Variants in PTCHD1 observed in about 807,000 individuals in gnomAD.
PTCHD1 encodes patched domain containing 1.
A neutral mutation model predicts 34.6 loss-of-function variants in PTCHD1; 3 were observed. The ratio of observed to expected loss-of-function variants is 0.09; its 90% CI spans 0.04 to 0.22. The LOEUF (loss-of-function observed/expected upper bound fraction) is 0.22, where lower values mean the gene tolerates loss of function less well. Ranked by LOEUF, PTCHD1 falls within the 10% of genes least tolerant of loss-of-function variation. The pLI, the probability that PTCHD1 is intolerant of heterozygous loss-of-function variation, is 1.00. For missense variants in PTCHD1, 504 were observed against 685.5 expected (o/e 0.74, Z 2.96); for synonymous variants, 305 against 283.1 (o/e 1.08, Z -0.77).
intron 2 of PTCHD1, among the ~76,000 whole-genome samples, chrX:23,382,697 C>G (rs920941989): frequency 8.9e-6 from 1 of 112,983 alleles, no homozygotes; most frequent in Admixed American, 9.3e-5. Context: ...TTTGCAATTT[C>G]TGAGGAATGT....
intron 1 of PTCHD1, among the ~76,000 whole-genome samples, chrX:23,369,063 G>A (rs747025886): frequency 9.9e-5 from 11 of 111,322 alleles, no homozygotes; most frequent in African/African-American, 2.3e-4. Context: ...AAAATACTCC[G>A]TCTCAAAAAA....
intron 1 of PTCHD1, among the ~76,000 whole-genome samples, chrX:23,336,971 T>C (rs772949030): frequency 1.8e-5 from 2 of 109,512 alleles, no homozygotes; most frequent in East Asian, 2.9e-4. Context: ...CCATTGCCTT[T>C]CCCCCCCCAC....
At chrX:23,353,357 C>A (rs769609000) in intron 1 of PTCHD1, among the ~76,000 whole-genome samples, 17 of 112,609 alleles carry the variant, frequency 1.5e-4, no homozygotes, top group Admixed American at 2.8e-4. Context: ...GCGGCCGAGA[C>A]AGGCGTATCA....
rs756943321 is a variant in PTCHD1, at chrX:23,347,863, A to G, written c.351+12637A>G. Among the ~76,000 whole-genome samples, 5 of 111,445 alleles carry G rather than the reference A, an allele frequency of 4.5e-5. No individual in the cohort carries two copies. The East Asian group carries it at 1.4e-3, about 31-fold the overall frequency. On this transcript the variant is annotated intron_variant, in intron 1 of 2. Coordinates refer to ENST00000379361, the MANE Select transcript of PTCHD1 (RefSeq NM_173495.3). Reference sequence around the variant, plus strand: ...TCTACAAAAAAATTTAAAAAATATTAACAGGGCATGGTGGTACATGCCTGT... The same window carrying G: ...TCTACAAAAAAATTTAAAAAATATTGACAGGGCATGGTGGTACATGCCTGT...
In PTCHD1 at chrX:23,334,911, G is replaced by T; in HGVS notation, c.36G>T (p.Thr12=). 3 of 1,203,116 alleles carry T rather than the reference G, an allele frequency of 2.5e-6. No homozygotes were observed. The highest frequency in any genetic ancestry group is 3.4e-6 in the Non-Finnish European group (3 of 891,501). The part of the protein sequence containing the change: ...LRQVLHRGLR[T]CFSRLGHFIA... ...AGGTTCTGCACAGGGGCTTGAGGAC[G>T]TGTTTCTCCCGGCTCGGCCACTTCA... Residue 12 remains threonine (T), a synonymous_variant, in exon 1 of 3, where the codon ACG becomes ACT. Coordinates refer to ENST00000379361, the MANE Select transcript of PTCHD1 (RefSeq NM_173495.3).
rs191975021 is a variant in PTCHD1 at position 23,343,868 on chromosome X, T to G, written c.351+8642T>G. ...TGCATCTCTGCTATAGAGCTGTCAT[T>G]ATAAATGCTCAAGAACATTTTGTGA... is the stretch of plus-strand genomic sequence containing the variant. On this transcript the variant is annotated intron_variant, in intron 1 of 2. Transcript: ENST00000379361. Among the ~76,000 whole-genome samples, 5 of 112,732 alleles carry G rather than the reference T, an allele frequency of 4.4e-5. No individual in the cohort carries two copies. In the East Asian group the frequency reaches 8.3e-4, roughly 19 times the overall value.
intron 1 of PTCHD1, among the ~76,000 whole-genome samples, chrX:23,359,561 G>A (rs2046341385): frequency 8.9e-6 from 1 of 112,007 alleles, no homozygotes; most frequent in African/African-American, 3.3e-5. Flanking sequence ...GAGACGATGG[G>A]ATTTTATAAA....
chrX:23,341,350 AAGG>A (rs1921303972), intron 1 of PTCHD1, among the ~76,000 whole-genome samples: 1 of 112,283 alleles, frequency 8.9e-6, no homozygotes, highest in Admixed American at 9.4e-5. Flanking sequence ...AAAATACGAG[AAGG>A]AGAAGTAAGC....
intron 1 of PTCHD1, among the ~76,000 whole-genome samples, chrX:23,355,559 G>C (rs974415333): frequency 8.9e-6 from 1 of 112,795 alleles, no homozygotes; most frequent in Non-Finnish European, 1.9e-5. Flanking sequence ...GTTAGTGTGA[G>C]ATAGAAAACA....
At chrX:23,346,430 G>T (rs1021943738) in intron 1 of PTCHD1, among the ~76,000 whole-genome samples, 43 of 111,328 alleles carry the variant, frequency 3.9e-4, no homozygotes, top group African/African-American at 1.4e-3. Flanking sequence ...ATTATTAAGA[G>T]GAAACATCAG....
intron 1 of PTCHD1, among the ~76,000 whole-genome samples, chrX:23,339,301 C>A (rs958413061): frequency 2.1e-4 from 23 of 112,098 alleles, no homozygotes; most frequent in Non-Finnish European, 3.8e-4. Flanking sequence ...TCCTTGATAA[C>A]CCCCGTAGTC....
chrX:23,382,204 G>A (rs191140512), intron 2 of PTCHD1, among the ~76,000 whole-genome samples: 5 of 111,522 alleles, frequency 4.5e-5, no homozygotes, highest in Non-Finnish European at 9.4e-5. Context: ...AAGCATGTTA[G>A]AATATTTAAA....
intron 1 of PTCHD1, among the ~76,000 whole-genome samples, chrX:23,354,434 G>C (rs1268476607): frequency 6.6e-4 from 55 of 83,218 alleles, no homozygotes; most frequent in African/African-American, 2.4e-3. Context: ...TTTACACAGA[G>C]AGAGAGAGAG....
chrX:23,371,605 A>G (rs1172019977), intron 1 of PTCHD1, among the ~76,000 whole-genome samples: 1 of 111,328 alleles, frequency 9.0e-6, no homozygotes, highest in Non-Finnish European at 1.9e-5. Flanking sequence ...TGATATGTGC[A>G]CTGAAGTGGT....
chrX:23,334,780 GCGCCGCTGCCGCCGCCGCCGCCGC>G (rs1200508167), upstream of PTCHD1: 2 of 268,861 alleles, frequency 7.4e-6, no homozygotes, highest in Non-Finnish European at 4.9e-6. Flanking sequence ...GCCGCCGCGG[GCGCCGCTGCCGCCGCCGCCGCCGC>G]CGCCGCCGCC....
At chrX:23,355,503 C>T (rs902316450) in intron 1 of PTCHD1, among the ~76,000 whole-genome samples, 1 of 112,855 alleles carries the variant, frequency 8.9e-6, no homozygotes, top group African/African-American at 3.2e-5. Flanking sequence ...TGCATAAGCA[C>T]CTCATAATAT....
At chrX:23,369,444 A>T (rs1407829364) in intron 1 of PTCHD1, among the ~76,000 whole-genome samples, 1 of 111,532 alleles carries the variant, frequency 9.0e-6, no homozygotes, top group Non-Finnish European at 1.9e-5. Context: ...TTTCCAGAAG[A>T]ACTCTCATTA....
chrX:23,380,745 C>G (rs1922541115), intron 2 of PTCHD1, among the ~76,000 whole-genome samples: 1 of 111,365 alleles, frequency 9.0e-6, no homozygotes, highest in Non-Finnish European at 1.9e-5. Context: ...TTCAGCCCCA[C>G]AGGGGACCTT....
chrX:23,351,691 G>A (rs1341533433), intron 1 of PTCHD1, among the ~76,000 whole-genome samples: 1 of 112,240 alleles, frequency 8.9e-6, no homozygotes, highest in African/African-American at 3.2e-5. Context: ...GACTTAACTG[G>A]GTGCCGCTGC....
Sources: allele counts gnomAD v4.1 joint callset (sites outside exome capture counted in the v4.1 genomes callset), GRCh38; gene constraint gnomAD v4.1.1; transcripts MANE v1.5; gene names NCBI Gene and HGNC (gene_info 2026-07-23, HGNC 2026-07-21).